The following CLIP2 variants were observed in gnomAD, a reference collection of about 807,000 sequenced individuals.
CLIP2 encodes the protein CAP-Gly domain-containing linker protein 2.
In CLIP2, 41 loss-of-function variants were observed where a neutral mutation model predicts 111.7. The observed-to-expected ratio is 0.37, with a 90% CI of 0.29 to 0.48. The LOEUF is 0.48. Among genes scored for constraint, CLIP2 ranks in the 20% least tolerant of loss-of-function variants. CLIP2 has a pLI of 0.99. For synonymous variants in CLIP2, 660 were observed against 644.2 expected, an observed-to-expected ratio of 1.02 and a Z score of -0.37; for missense variants, 1,160 against 1,422.1, an observed-to-expected ratio of 0.82 and a Z score of 2.96.
chr7:74,330,832 GT>G (rs1355719548), intron 2 of CLIP2, among the ~76,000 whole-genome samples: 1 of 152,094 alleles, frequency 6.6e-6, no homozygotes, highest in African/African-American at 2.4e-5. Context: ...TAGTGAGTCA[GT>G]TTTTCCTTTT....
chr7:74,387,039 AAAAG>A (rs1554314929), intron 12 of CLIP2, among the ~76,000 whole-genome samples: 1 of 151,366 alleles, frequency 6.6e-6, no homozygotes, highest in Admixed American at 6.6e-5. Flanking sequence ...AAAAAAAAAA[AAAAG>A]GGCCAGGGCC....
At chr7:74,348,396 C>A (rs1789864445) in intron 3 of CLIP2, among the ~76,000 whole-genome samples, 1 of 152,052 alleles carries the variant, frequency 6.6e-6, no homozygotes, top group African/African-American at 2.4e-5. Context: ...TGGCTCATAC[C>A]TGTAACCCCA....
chr7:74,334,420 C>G (rs782654591), intron 2 of CLIP2, among the ~76,000 whole-genome samples: 5 of 152,060 alleles, frequency 3.3e-5, no homozygotes, highest in Non-Finnish European at 5.9e-5. Context: ...ACCTGAGGGT[C>G]CGCCTGGGCC....
chr7:74,390,748 TG>T (rs1394292919), intron 13 of CLIP2, among the ~76,000 whole-genome samples: 5 of 28,198 alleles, frequency 1.8e-4, no homozygotes, highest in South Asian at 7.9e-3. Flanking sequence ...TCTGGCGGGG[TG>T]GGGGGGGTGG....
rs1357511372 is a variant in CLIP2, at chr7:74,363,263, A to G, written c.1320-992A>G. 2.0e-5 allele frequency among the ~76,000 whole-genome samples: 3 copies of G among 152,198 alleles called. No individual in the cohort carries two copies. The East Asian group carries it at 5.8e-4, about 29-fold the overall frequency. On this transcript the variant is annotated intron_variant, in intron 7 of 16. Transcript: ENST00000223398. ...GTGATCCGCCCACCTTGGCCTCCCA[A>G]AGTGTTGGGATTACGGGCGTGAGCC...
intron 2 of CLIP2, among the ~76,000 whole-genome samples, chr7:74,334,823 C>CAAA (rs34044824): frequency 5.3e-5 from 7 of 133,060 alleles, no homozygotes; most frequent in Non-Finnish European, 9.4e-5. Context: ...TAATAAAATA[C>CAAA]AAAAAAAAAA....
chr7:74,378,622 C>T (rs1554313411), intron 10 of CLIP2, among the ~76,000 whole-genome samples: 1 of 152,074 alleles, frequency 6.6e-6, no homozygotes, highest in East Asian at 1.9e-4. Flanking sequence ...ACCTGTAGTC[C>T]CCAGCTACGC....
At chr7:74,364,139 T>A in intron 7 of CLIP2, 116 bp from the exon 8 acceptor site, 1 of 878,130 alleles carries the variant, frequency 1.1e-6, no homozygotes. Context: ...TTTGATGGCC[T>A]CGCCTCTGGA....
At chr7:74,388,204 C>T (rs1254822587) in intron 12 of CLIP2, among the ~76,000 whole-genome samples, 10 of 152,056 alleles carry the variant, frequency 6.6e-5, no homozygotes, top group Non-Finnish European at 1.2e-4. Flanking sequence ...TGGTAGCGTG[C>T]ACCTGTAGTC....
At chr7:74,368,535 A>C (rs1054608326) in intron 8 of CLIP2, among the ~76,000 whole-genome samples, 2 of 151,044 alleles carry the variant, frequency 1.3e-5, no homozygotes, top group Non-Finnish European at 3.0e-5. Flanking sequence ...TAAATAAATA[A>C]ATAAATAAAA....
intron 2 of CLIP2, among the ~76,000 whole-genome samples, chr7:74,321,039 G>C (rs143479030): frequency 6.6e-6 from 1 of 152,246 alleles, no homozygotes; most frequent in African/African-American, 2.4e-5. Context: ...CTGTGATCCA[G>C]CTCTCATGCC....
intron 13 of CLIP2, 84 bp downstream of exon 13, chr7:74,389,343 G>C: frequency 2.2e-6 from 3 of 1,369,918 alleles, no homozygotes; most frequent in Non-Finnish European, 2.9e-6. Context: ...TGTTATCTTG[G>C]GGCAGAGAGG....
intron 2 of CLIP2, among the ~76,000 whole-genome samples, chr7:74,322,980 C>T (rs773791456): frequency 3.3e-5 from 5 of 152,108 alleles, no homozygotes; most frequent in Admixed American, 6.6e-5. Flanking sequence ...CCACCTGCTT[C>T]GGCCTTCCAA....
chr7:74,347,379 C>T (rs564317353), intron 3 of CLIP2, among the ~76,000 whole-genome samples: 1 of 152,322 alleles, frequency 6.6e-6, no homozygotes, highest in Non-Finnish European at 1.5e-5. Context: ...CGCCATTCTC[C>T]TGCCTCAGCC....
intron 1 of CLIP2, among the ~76,000 whole-genome samples, chr7:74,296,539 C>A (rs1788173520): frequency 6.6e-6 from 1 of 151,562 alleles, no homozygotes; most frequent in African/African-American, 2.4e-5. Flanking sequence ...CCTGTAATCC[C>A]AGCACTTTGG....
At chr7:74,301,419 T>A (rs1554726800) in intron 1 of CLIP2, among the ~76,000 whole-genome samples, 1 of 152,190 alleles carries the variant, frequency 6.6e-6, no homozygotes, top group Non-Finnish European at 1.5e-5. Flanking sequence ...GTCTCGCTCT[T>A]GTTGCCAGGC....
chr7:74,293,327 G>A (rs2116436119), intron 1 of CLIP2, among the ~76,000 whole-genome samples: 1 of 152,300 alleles, frequency 6.6e-6, no homozygotes, highest in East Asian at 1.9e-4. Context: ...TCTGTGGACT[G>A]CGGTTTCATT....
chr7:74,343,902 T>TA (rs1247795156), intron 3 of CLIP2, among the ~76,000 whole-genome samples: 51 of 147,812 alleles, frequency 3.5e-4, no homozygotes, highest in African/African-American at 1.2e-3. Flanking sequence ...GACGCTGTCT[T>TA]AAAAAAAAAA....
intron 1 of CLIP2, among the ~76,000 whole-genome samples, chr7:74,308,685 A>G (rs1431486559): frequency 1.3e-5 from 2 of 151,646 alleles, no homozygotes; most frequent in Non-Finnish European, 2.9e-5. Context: ...TTGTATTTTT[A>G]GTAGAGACAG....
Sources: gnomAD v4.1 joint callset for allele counts (sites outside exome capture counted in the v4.1 genomes callset) on GRCh38, gnomAD v4.1.1 for gene constraint, MANE v1.5 for transcripts, NCBI Gene and HGNC (gene_info 2026-07-23, HGNC 2026-07-21) for gene names.